KCTD16: variants seen among roughly 807,000 people sequenced by gnomAD.
KCTD16 encodes BTB/POZ domain-containing protein KCTD16.
In KCTD16, 13 loss-of-function variants were observed where a neutral mutation model predicts 33.2. The observed-to-expected ratio is 0.39, with a 90% CI of 0.25 to 0.62. KCTD16 has a LOEUF of 0.62. Among genes scored for constraint, KCTD16 ranks in the 20% least tolerant of loss-of-function variants. KCTD16 has a pLI of 0.50. For missense variants in KCTD16, 441 were observed against 525.1 expected (o/e 0.84, Z 1.57); for synonymous variants, 197 against 195.3 (o/e 1.01, Z -0.07).
intron 3 of KCTD16, among the ~76,000 whole-genome samples, chr5:144,218,010 C>G (rs1165125896): frequency 6.6e-6 from 1 of 152,188 alleles, no homozygotes; most frequent in East Asian, 1.9e-4. Flanking sequence ...AACAGGCACC[C>G]TGACCTTGCT....
chr5:144,329,261 G>T (rs2126889863), intron 3 of KCTD16, among the ~76,000 whole-genome samples: 2 of 152,216 alleles, frequency 1.3e-5, no homozygotes, highest in Middle Eastern at 6.8e-3. Flanking sequence ...ATTTTTATTT[G>T]CTTGGTTCAC....
At chr5:144,307,103 C>G (rs1171667070) in intron 3 of KCTD16, among the ~76,000 whole-genome samples, 1 of 152,190 alleles carries the variant, frequency 6.6e-6, no homozygotes, top group African/African-American at 2.4e-5. Context: ...GCCAGCTTCA[C>G]AGGTCTTCTT....
intron 3 of KCTD16, among the ~76,000 whole-genome samples, chr5:144,364,211 G>A (rs1561581236): frequency 2.0e-5 from 3 of 152,144 alleles, no homozygotes; most frequent in African/African-American, 2.4e-5. Context: ...ATGACTAGGC[G>A]AAGGTACGGC....
At chr5:144,316,089 T>C (rs911751702) in intron 3 of KCTD16, among the ~76,000 whole-genome samples, 2 of 152,164 alleles carry the variant, frequency 1.3e-5, no homozygotes, top group African/African-American at 4.8e-5. Flanking sequence ...GTTTTACTAG[T>C]TGTGTAATTT....
At chr5:144,209,009 A>G (rs760088911) in intron 3 of KCTD16, among the ~76,000 whole-genome samples, 1 of 152,178 alleles carries the variant, frequency 6.6e-6, no homozygotes, top group Non-Finnish European at 1.5e-5. Flanking sequence ...TTAGCTTTCT[A>G]TAAAGGAATA....
intron 2 of KCTD16, among the ~76,000 whole-genome samples, chr5:144,193,684 C>T (rs1752887539): frequency 6.6e-6 from 1 of 152,006 alleles, no homozygotes; most frequent in Non-Finnish European, 1.5e-5. Flanking sequence ...TTTCTGGATC[C>T]CCAACACATA....
intron 3 of KCTD16, among the ~76,000 whole-genome samples, chr5:144,386,051 A>C (rs1199331823): frequency 6.6e-6 from 1 of 152,176 alleles, no homozygotes; most frequent in Non-Finnish European, 1.5e-5. Flanking sequence ...TGCCACTCAG[A>C]GATATTATTT....
chr5:144,193,779 T>A lies in KCTD16; in HGVS notation c.-326-12610T>A, dbSNP rs914676501. Among the ~76,000 whole-genome samples the A allele has an allele frequency of 2.6e-5, 4 of 152,004 alleles. 1 individual carries two copies. The highest frequency in any genetic ancestry group is 1.3e-4 in the Admixed American group (2 of 15,246). On this transcript the variant is annotated intron_variant, in intron 2 of 3. Coordinates refer to ENST00000512467, the MANE Select transcript of KCTD16 (RefSeq NM_020768.4). ...TTGGGTAAAAGGCAAAGAACAAAGG[T>A]ACGACAAATGGAAGCGAAGAGAAGA...
rs78691202 is a variant in KCTD16, at chr5:144,451,898, C to A, written c.833-21762C>A. On this transcript the variant is annotated intron_variant, in intron 3 of 3. Coordinates refer to ENST00000512467, the MANE Select transcript of KCTD16 (RefSeq NM_020768.4). ...CATTAACTGTAAGAAGGACCTCAGACATTTTCCTTATCAGGGTGAATATTC... is the reference window on the plus strand; with the variant it reads ...CATTAACTGTAAGAAGGACCTCAGAAATTTTCCTTATCAGGGTGAATATTC... Among the ~76,000 whole-genome samples the A allele has an allele frequency of 5.2e-3, 786 of 152,112 alleles. 7 individuals are homozygous for A. The highest frequency in any genetic ancestry group is 0.018 in the African/African-American group (754 of 41,500).
chr5:144,361,906 T>G (rs1751721945), intron 3 of KCTD16, among the ~76,000 whole-genome samples: 2 of 143,888 alleles, frequency 1.4e-5, no homozygotes, highest in African/African-American at 5.2e-5. Flanking sequence ...TGGTGTTATT[T>G]TGTGTGTGTG....
At chr5:144,397,599 G>T in intron 3 of KCTD16, among the ~76,000 whole-genome samples, 1 of 152,084 alleles carries the variant, frequency 6.6e-6, no homozygotes, top group East Asian at 1.9e-4. Context: ...GTTGTTTCCT[G>T]ACTTTTTAAT....
intron 3 of KCTD16, among the ~76,000 whole-genome samples, chr5:144,358,734 G>A (rs757166199): frequency 1.3e-5 from 2 of 152,224 alleles, no homozygotes; most frequent in Non-Finnish European, 2.9e-5. Flanking sequence ...CAGATTTGAT[G>A]TTTGGTGAAG....
chr5:144,238,830 C>T (rs986479404), intron 3 of KCTD16, among the ~76,000 whole-genome samples: 2 of 152,152 alleles, frequency 1.3e-5, no homozygotes, highest in Non-Finnish European at 1.5e-5. Flanking sequence ...TTCACAAATG[C>T]TTATTGAGCG....
chr5:144,450,049 C>T (rs569812598), intron 3 of KCTD16, among the ~76,000 whole-genome samples: 165 of 152,034 alleles, frequency 1.1e-3, no homozygotes, highest in African/African-American at 3.7e-3. Flanking sequence ...AACTCATTTA[C>T]CTGATAAGAA....
At chr5:144,220,246 C>T (rs1175433451) in intron 3 of KCTD16, among the ~76,000 whole-genome samples, 1 of 152,194 alleles carries the variant, frequency 6.6e-6, no homozygotes, top group Non-Finnish European at 1.5e-5. Context: ...CTTCTGCTGT[C>T]GTCCCAGCTG....
At chr5:144,397,820 A>G (rs966358512) in intron 3 of KCTD16, among the ~76,000 whole-genome samples, 1 of 152,190 alleles carries the variant, frequency 6.6e-6, no homozygotes, top group African/African-American at 2.4e-5. Context: ...TAAGGAAGCA[A>G]TTGTATTGTA....
At chr5:144,448,681 TC>T (rs916044910) in intron 3 of KCTD16, among the ~76,000 whole-genome samples, 1 of 152,062 alleles carries the variant, frequency 6.6e-6, no homozygotes, top group Admixed American at 6.6e-5. Context: ...TAAGGAACCT[TC>T]CTGTTTTAGA....
chr5:144,467,955 A>T (rs996952882), intron 3 of KCTD16, among the ~76,000 whole-genome samples: 11 of 152,110 alleles, frequency 7.2e-5, no homozygotes, highest in Non-Finnish European at 1.2e-4. Context: ...CTCTGTCAAT[A>T]GAGGGTGCTA....
intron 3 of KCTD16, among the ~76,000 whole-genome samples, chr5:144,437,793 G>A (rs924095302): frequency 1.3e-5 from 2 of 152,018 alleles, no homozygotes; most frequent in Non-Finnish European, 2.9e-5. Flanking sequence ...TTGACCACAC[G>A]ACTTTTAATG....
Sources: gnomAD v4.1 joint callset for allele counts (sites outside exome capture counted in the v4.1 genomes callset) on GRCh38, gnomAD v4.1.1 for gene constraint, MANE v1.5 for transcripts, NCBI Gene and HGNC (gene_info 2026-07-23, HGNC 2026-07-21) for gene names.